The following FBXO31 variants were observed in gnomAD, a reference collection of about 807,000 sequenced individuals.
FBXO31 encodes F-box only protein 31.
In FBXO31, 24 loss-of-function variants were observed where a neutral mutation model predicts 54.4. That is an observed-to-expected ratio of 0.44 (90% CI 0.32 to 0.62). FBXO31 has a LOEUF of 0.62. Ranked by LOEUF, FBXO31 falls within the 20% of genes least tolerant of loss-of-function variation. The probability of loss-of-function intolerance (pLI) is 0.05; values close to 1 mark genes in which losing one functional copy is unlikely to be tolerated. For synonymous variants in FBXO31, 388 were observed against 335.6 expected (o/e 1.16, Z -1.71); for missense variants, 665 against 787.1 (o/e 0.84, Z 1.86).
chr16:87,348,544 G>GT, intron 2 of FBXO31, among the ~76,000 whole-genome samples: 1 of 152,282 alleles, frequency 6.6e-6, no homozygotes. Context: ...GGGTGACCGG[G>GT]TAGAGACTAC....
Position 87,383,774 on chromosome 16 carries a change from T to C in FBXO31, c.-30A>G. On this transcript the variant is annotated 5_prime_UTR_variant, in exon 1 of 9. Coordinates refer to ENST00000311635, the MANE Select transcript of FBXO31 (RefSeq NM_024735.5). The surrounding 1 kb of genome is among the most constrained non-coding windows in gnomAD (Gnocchi z 4.9). ...CCCAGTGACGGCCACTGCTGCCGCCTGTGCGCACGCTCCAGCGCGGCCCCG... is the reference window on the plus strand; with the variant it reads ...CCCAGTGACGGCCACTGCTGCCGCCCGTGCGCACGCTCCAGCGCGGCCCCG... The C allele has an allele frequency of 8.5e-7, 1 of 1,180,198 alleles. No individual in the cohort carries two copies. The allele number at this position is 1,180,198 out of a possible 1,614,324, so 73.1% of individuals were successfully genotyped here.
chr16:87,358,982 C>A lies in FBXO31; in HGVS notation c.412+1313G>T, dbSNP rs1360812979. On this transcript the variant is annotated intron_variant, in intron 2 of 8. Transcript: ENST00000311635. The surrounding 1 kb of genome is among the most constrained non-coding windows in gnomAD (Gnocchi z 4.0). ...GGTCATCCAAGGTTGCCCAACTACA[C>A]CACCCGTTTCTGGAGCTAAGGCTGA... 1.3e-5 allele frequency among the ~76,000 whole-genome samples: 2 copies of A among 152,314 alleles called. No individual in the cohort carries two copies. Among genetic ancestry groups the A allele is most frequent in the South Asian group, 2.1e-4 (1 of 4,826 alleles).
At chr16:87,354,340 T>C (rs1386885894) in intron 2 of FBXO31, among the ~76,000 whole-genome samples, 2 of 151,872 alleles carry the variant, frequency 1.3e-5, no homozygotes, top group Non-Finnish European at 2.9e-5. Context: ...CCAGGTGTGG[T>C]GGCACACACC....
chr16:87,360,378 A>C lies in FBXO31; in HGVS notation c.341-12T>G, dbSNP rs1349221254. 4 of 1,613,532 alleles carry C rather than the reference A, an allele frequency of 2.5e-6. No individual in the cohort carries two copies. Among genetic ancestry groups the C allele is most frequent in the Non-Finnish European group, 3.4e-6 (4 of 1,179,634 alleles). ...GCAAACACCATACTCTGTAACAAGA[A>C]ACATTTGCAGAAATTTAAGATCAAC... On this transcript the variant is annotated splice_polypyrimidine_tract_variant and intron_variant, in intron 1 of 8. Coordinates refer to ENST00000311635, the MANE Select transcript of FBXO31 (RefSeq NM_024735.5).
At chr16:87,347,105 T>C in intron 3 of FBXO31, 69 bp downstream of exon 3, 1 of 1,407,322 alleles carries the variant, frequency 7.1e-7, no homozygotes, top group Admixed American at 1.7e-5. Flanking sequence ...GAAGAGGCCC[T>C]CAAATTCCTC....
Position 87,333,883 on chromosome 16 carries a change from T to C in FBXO31, c.1397+3A>G, listed in dbSNP as rs370403995. On this transcript the variant is annotated splice_donor_region_variant and intron_variant, in intron 8 of 8. Transcript: ENST00000311635. ...CAGGCCCCAGTACCCGCCGCATCCT[T>C]ACCACATCCTGCAGGTTCGGGGGTA... 2 of 1,596,070 alleles carry C rather than the reference T, an allele frequency of 1.3e-6. No individual in the cohort carries two copies. The highest frequency in any genetic ancestry group is 1.7e-6 in the Non-Finnish European group (2 of 1,169,356).
At chr16:87,334,323 G>T in intron 7 of FBXO31, 37 bp from the exon 8 acceptor site, 1 of 1,426,256 alleles carries the variant, frequency 7.0e-7, no homozygotes. Context: ...GCTCAGGCCA[G>T]CAGCAGCAGC....
chr16:87,383,367 C>CCCCCCCCCAA lies in FBXO31; in HGVS notation c.340+37_340+38insTTGGGGGGGG. On this transcript the variant is annotated intron_variant, in intron 1 of 8. Transcript: ENST00000311635. This position sits in a 1 kb window ranked among gnomAD's most constrained non-coding sequence, Gnocchi z 4.9. Reference sequence around the variant, plus strand: ...CCGAGGCCTCCACCTGGCAGGGACCCCCCGCCCCTCCCGGCCCCGCCACCC... The same window carrying CCCCCCCCCAA: ...CCGAGGCCTCCACCTGGCAGGGACCCCCCCCCCCAACCCGCCCCTCCCGGCCCCGCCACCC... 1.4e-6 allele frequency: 2 copies of CCCCCCCCCAA among 1,426,544 alleles called. No homozygotes were observed. The highest frequency in any genetic ancestry group is 1.9e-6 in the Non-Finnish European group (2 of 1,052,370). The allele number at this position is 1,426,544 out of a possible 1,614,324, so 88.4% of individuals were successfully genotyped here.
Position 87,338,958 on chromosome 16 carries a change from A to G in FBXO31, c.733-2694T>C, listed in dbSNP as rs995197537. On this transcript the variant is annotated intron_variant, in intron 5 of 8. Coordinates refer to ENST00000311635, the MANE Select transcript of FBXO31 (RefSeq NM_024735.5). This position sits in a 1 kb window ranked among gnomAD's most constrained non-coding sequence, Gnocchi z 4.3. ...ATAGTGAATAAGTCTCACGAGATGC[A>G]ATGGTTTTATAAAGGGGAGTTCCCC... Among the ~76,000 whole-genome samples the G allele has an allele frequency of 6.6e-6, 1 of 152,132 alleles. No homozygotes were observed. Among genetic ancestry groups the G allele is most frequent in the Non-Finnish European group, 1.5e-5 (1 of 68,032 alleles).
intron 1 of FBXO31, among the ~76,000 whole-genome samples, chr16:87,363,120 C>A (rs1360503885): frequency 1.3e-5 from 2 of 152,150 alleles, no homozygotes; most frequent in Non-Finnish European, 2.9e-5. Context: ...CGCGGTGGCT[C>A]ATGCCTGTAA....
rs1044543161 is a variant in FBXO31, at chr16:87,338,024, T to C, written c.733-1760A>G. On this transcript the variant is annotated intron_variant, in intron 5 of 8. Coordinates refer to ENST00000311635, the MANE Select transcript of FBXO31 (RefSeq NM_024735.5). This position sits in a 1 kb window ranked among gnomAD's most constrained non-coding sequence, Gnocchi z 4.3. Reference sequence around the variant, plus strand: ...ACAGATAGAAACAAAAGTAACTGAATGTAATGAACAAAGATTTCAATGTTA... The same window carrying C: ...ACAGATAGAAACAAAAGTAACTGAACGTAATGAACAAAGATTTCAATGTTA... 6.6e-6 allele frequency among the ~76,000 whole-genome samples: 1 copy of C among 152,144 alleles called. No individual in the cohort carries two copies. Among genetic ancestry groups the C allele is most frequent in the African/African-American group, 2.4e-5 (1 of 41,424 alleles).
rs1346248661 is a variant in FBXO31 at position 87,327,846 on chromosome 16, T to A, written c.*3442A>T. ...TTATTCTCAGGACAGGTGATGGTTC[T>A]ATGAGCACATTCCCGTAAGTGTTCT... On this transcript the variant is annotated 3_prime_UTR_variant, in exon 9 of 9. Transcript: ENST00000311635. 3 of 152,180 alleles carry A rather than the reference T, an allele frequency of 2.0e-5. No individual in the cohort carries two copies. 9.4% of individuals were successfully genotyped at this position (152,180 alleles called of 1,614,324 possible).
intron 1 of FBXO31, among the ~76,000 whole-genome samples, chr16:87,382,550 C>T (rs1188474213): frequency 1.3e-5 from 2 of 152,176 alleles, no homozygotes; most frequent in Non-Finnish European, 2.9e-5. Context: ...AAGTCCAGCC[C>T]GCACCGCTGT....
chr16:87,372,931 C>T (rs954113609), intron 1 of FBXO31, among the ~76,000 whole-genome samples: 1 of 151,556 alleles, frequency 6.6e-6, no homozygotes, highest in Non-Finnish European at 1.5e-5. Flanking sequence ...GACGGGGTTT[C>T]ACCATATTGA....
intron 2 of FBXO31, among the ~76,000 whole-genome samples, chr16:87,357,868 G>A (rs1269487096): frequency 9.2e-5 from 14 of 151,354 alleles, no homozygotes. Context: ...AGGAGGCAGA[G>A]GTTGTGACAC....
In FBXO31 at chr16:87,334,130, C is replaced by T. The variant is rs368876482; in HGVS notation, c.1153G>A (p.Gly385Arg). 3.6e-5 allele frequency: 58 copies of T among 1,611,550 alleles called. No individual in the cohort carries two copies. Among genetic ancestry groups the T allele is most frequent in the Non-Finnish European group, 4.2e-5 (49 of 1,179,142 alleles). The part of the protein sequence containing the change: ...ERVRQEQQEG[G>R]HEAGEGRGRQ... ...CCACGACCCTCGCCCGCCTCGTGCC[C>T]GCCTTCCTGCTGCTCCTGGCGCACC... The change falls in exon 8 of 9, where the codon GGG becomes AGG. Residue 385 changes from glycine to arginine, a missense_variant. Gly to Arg is a moderately radical substitution (Grantham distance 125). Coordinates refer to ENST00000311635, the MANE Select transcript of FBXO31 (RefSeq NM_024735.5).
chr16:87,362,978 G>C (rs1040494341), intron 1 of FBXO31, among the ~76,000 whole-genome samples: 1 of 152,234 alleles, frequency 6.6e-6, no homozygotes, highest in African/African-American at 2.4e-5. Flanking sequence ...GTCAGGGCCA[G>C]GGATGAGGAG....
chr16:87,383,776 T>G lies in FBXO31; in HGVS notation c.-32A>C. The G allele has an allele frequency of 1.4e-5, 17 of 1,178,676 alleles. No individual in the cohort carries two copies. Among genetic ancestry groups the G allele is most frequent in the Non-Finnish European group, 1.8e-5 (17 of 954,298 alleles). 73.0% of individuals were successfully genotyped at this position (1,178,676 alleles called of 1,614,324 possible). A position where few individuals can be genotyped will look rare whatever the true frequency, so the allele number is the denominator to read the frequency against. The stretch of plus-strand genomic sequence containing the variant: ...CAGTGACGGCCACTGCTGCCGCCTG[T>G]GCGCACGCTCCAGCGCGGCCCCGCC... On this transcript the variant is annotated 5_prime_UTR_variant, in exon 1 of 9. Transcript: ENST00000311635. The surrounding 1 kb of genome is among the most constrained non-coding windows in gnomAD (Gnocchi z 4.9).
intron 1 of FBXO31, among the ~76,000 whole-genome samples, chr16:87,374,645 TTAAAG>T (rs1279760049): frequency 6.6e-6 from 1 of 152,192 alleles, no homozygotes; most frequent in Admixed American, 6.5e-5. Flanking sequence ...CCACGTAACA[TTAAAG>T]TATTTACCAT....
Sources: gnomAD v4.1 joint callset for allele counts (sites outside exome capture counted in the v4.1 genomes callset) on GRCh38, gnomAD v4.1.1 for gene constraint, Gnocchi (gnomAD v3.1) non-coding constraint, MANE v1.5 for transcripts, NCBI Gene and HGNC (gene_info 2026-07-23, HGNC 2026-07-21) for gene names.